ATG4B: variants seen among roughly 807,000 people sequenced by gnomAD.
The protein encoded by ATG4B is cysteine protease ATG4B.
A neutral mutation model predicts 56.6 loss-of-function variants in ATG4B; 29 were observed. The observed-to-expected ratio is 0.51, with a 90% CI of 0.38 to 0.70. ATG4B has a LOEUF of 0.70. ATG4B is among the 30% of genes least tolerant of loss of function. ATG4B has a pLI of 0.00. For missense variants in ATG4B, 461 were observed against 515.5 expected (o/e 0.89, Z 1.02); for synonymous variants, 224 against 206.1 (o/e 1.09, Z -0.74).
rs1281703382 is a variant in ATG4B, at chr2:241,667,135, G to A, written c.732+297G>A. On this transcript the variant is annotated intron_variant, in intron 8 of 12. Transcript: ENST00000404914. ...ACTCCTCGGCCTGACGGGGAGCCCC[G>A]CCCCCTCCCGGGTCTCCACTGTGCC... 2.6e-5 allele frequency among the ~76,000 whole-genome samples: 4 copies of A among 152,100 alleles called. No homozygotes were observed. In the East Asian group the frequency reaches 5.8e-4, roughly 22 times the overall value.
Position 241,673,732 on chromosome 2 carries a change from CCT to C in ATG4B, c.*1469_*1470del, listed in dbSNP as rs1409386671. On this transcript the variant is annotated 3_prime_UTR_variant, in exon 13 of 13. Coordinates refer to ENST00000404914, the MANE Select transcript of ATG4B (RefSeq NM_013325.5). The stretch of plus-strand genomic sequence containing the variant: ...AGCTGCAGTGGTAATGTGTGGGACA[CCT>C]TGACCAAAGGGGAGCTTTGTCTCGT... The C allele has an allele frequency of 4.6e-5, 21 of 455,148 alleles. No homozygotes were observed. The highest frequency in any genetic ancestry group is 9.2e-5 in the Non-Finnish European group (21 of 227,032). The allele number at this position is 455,148 out of a possible 1,614,324, so 28.2% of individuals were successfully genotyped here.
At chr2:241,666,875 G>A (rs370063366) in intron 8 of ATG4B, 37 bp downstream of exon 8, 23 of 1,530,364 alleles carry the variant, frequency 1.5e-5, no homozygotes, top group African/African-American at 9.6e-5. Context: ...CTGAGTCCCC[G>A]TCCCCTTCTC....
chr2:241,666,068 C>G (rs2068754967), intron 7 of ATG4B, among the ~76,000 whole-genome samples: 1 of 152,252 alleles, frequency 6.6e-6, no homozygotes, highest in African/African-American at 2.4e-5. Flanking sequence ...CTGCAGGCAC[C>G]TCTGAACATT....
At chr2:241,641,411 A>T (rs188320060) in intron 1 of ATG4B, among the ~76,000 whole-genome samples, 5 of 152,252 alleles carry the variant, frequency 3.3e-5, no homozygotes, top group Non-Finnish European at 5.9e-5. Context: ...TTAGCCGGGC[A>T]TAGTGGCGGG....
At chr2:241,652,267 T>C (rs958963266) in intron 3 of ATG4B, among the ~76,000 whole-genome samples, 1 of 152,274 alleles carries the variant, frequency 6.6e-6, no homozygotes, top group African/African-American at 2.4e-5. Context: ...AGTTTCCGCT[T>C]GTTTCGCAGC....
In ATG4B at chr2:241,671,321, C is replaced by T; in HGVS notation, c.1024C>T (p.Leu342Phe). ...WCQQVKKLSL[L>F]GGALPMFELV... ...CATGTCTCACTAACAGCTGTCTCTG[C>T]TTGGAGGTGCCCTGCCCATGTTTGA... Residue 342 changes from leucine to phenylalanine, a missense_variant, in exon 12 of 13, where the codon CTT becomes TTT. By Grantham distance (22) the Leu-to-Phe change is conservative. Coordinates refer to ENST00000404914, the MANE Select transcript of ATG4B (RefSeq NM_013325.5). The T allele has an allele frequency of 6.2e-7, 1 of 1,613,082 alleles. No individual in the cohort carries two copies.
intron 12 of ATG4B, chr2:241,671,680 C>G (rs2068977279): frequency 7.2e-7 from 1 of 1,384,984 alleles, no homozygotes; most frequent in African/African-American, 1.4e-5. Flanking sequence ...CCTCAGGGGT[C>G]TGGAGCAGAC....
chr2:241,638,070 C>T (rs527913206), intron 1 of ATG4B, among the ~76,000 whole-genome samples: 1 of 151,402 alleles, frequency 6.6e-6, no homozygotes, highest in African/African-American at 2.4e-5. Context: ...GGGAGAGGCG[C>T]GGCGGCGAAC....
rs1057287861 is a variant in ATG4B at position 241,653,634 on chromosome 2, C to T, written c.283+24C>T. The stretch of plus-strand genomic sequence containing the variant: ...AGGTGAGTCACAGCCCTGGGGAGGG[C>T]GCATGGCCACGGTGTTCTCAGGAAG... On this transcript the variant is annotated intron_variant, in intron 4 of 12. Coordinates refer to ENST00000404914, the MANE Select transcript of ATG4B (RefSeq NM_013325.5). The T allele has an allele frequency of 6.4e-6, 10 of 1,552,002 alleles. No individual in the cohort carries two copies. In the East Asian group the frequency reaches 9.7e-5, roughly 15 times the overall value.
At chr2:241,652,042 G>C in intron 3 of ATG4B, 1 of 1,175,378 alleles carries the variant, frequency 8.5e-7, no homozygotes, top group Non-Finnish European at 1.1e-6. Context: ...TCTAGGGGTG[G>C]TTTCATTCTT....
chr2:241,671,973 CCCCTGCCCTCCTCA>C, intron 12 of ATG4B: 2 of 1,412,036 alleles, frequency 1.4e-6, no homozygotes, highest in Non-Finnish European at 1.8e-6. Context: ...TGCCGGCCGC[CCCCTGCCCTCCTCA>C]CCCTGCCCTG....
Position 241,651,879 on chromosome 2 carries a change from A to G in ATG4B, c.184+544A>G, listed in dbSNP as rs902756852. 1.1e-5 allele frequency: 14 copies of G among 1,302,864 alleles called. No individual in the cohort carries two copies. The highest frequency in any genetic ancestry group is 1.3e-5 in the Non-Finnish European group (13 of 987,800). 80.7% of individuals were successfully genotyped at this position (1,302,864 alleles called of 1,614,324 possible). On this transcript the variant is annotated intron_variant, in intron 3 of 12. Transcript: ENST00000404914. The surrounding 1 kb of genome is among the most constrained non-coding windows in gnomAD (Gnocchi z 4.1). ...ATGTAACACTAAGGTGCATTCTGTT[A>G]AAAGCCATTCATCATTGTTGTATAC...
intron 7 of ATG4B, among the ~76,000 whole-genome samples, chr2:241,666,201 G>T (rs570225066): frequency 1.3e-5 from 2 of 152,204 alleles, no homozygotes; most frequent in African/African-American, 4.8e-5. Context: ...CGCACCCTCC[G>T]GTTGATGTGT....
In ATG4B at chr2:241,668,375, T is replaced by C. The variant is rs1575090386; in HGVS notation, c.811+154T>C. ...TTCAGCCTGGTCGCGGGCGGCCTCC[T>C]GTGTGCCCCTTTCCCTGATGGTCTG... On this transcript the variant is annotated intron_variant, in intron 9 of 12. Transcript: ENST00000404914. This position sits in a 1 kb window ranked among gnomAD's most constrained non-coding sequence, Gnocchi z 4.2. 3 of 1,353,692 alleles carry C rather than the reference T, an allele frequency of 2.2e-6. No individual in the cohort carries two copies. The highest frequency in any genetic ancestry group is 5.0e-5 in the East Asian group (2 of 39,934). 83.9% of individuals were successfully genotyped at this position (1,353,692 alleles called of 1,614,324 possible).
chr2:241,641,481 C>T (rs1252892576), intron 1 of ATG4B, among the ~76,000 whole-genome samples: 1 of 148,924 alleles, frequency 6.7e-6, no homozygotes, highest in East Asian at 2.0e-4. Flanking sequence ...ACCCGGGAGG[C>T]GGAGCTTGCA....
intron 1 of ATG4B, among the ~76,000 whole-genome samples, chr2:241,646,318 C>T (rs1422285812): frequency 6.6e-6 from 1 of 152,154 alleles, no homozygotes; most frequent in Non-Finnish European, 1.5e-5. Flanking sequence ...TTCTCTCATT[C>T]CTTTACCATT....
chr2:241,655,641 G>A lies in ATG4B; in HGVS notation c.458+298G>A, dbSNP rs62190274. ...TGGGGTGGGCAGCTGAAGCTAGTCT[G>A]CAGCCATCTGTGCGGGTGCCGGGCC... On this transcript the variant is annotated intron_variant, in intron 6 of 12. Coordinates refer to ENST00000404914, the MANE Select transcript of ATG4B (RefSeq NM_013325.5). 8.1e-3 allele frequency among the ~76,000 whole-genome samples: 1,228 copies of A among 152,268 alleles called. 5 individuals are homozygous for A. Among genetic ancestry groups the A allele is most frequent in the Non-Finnish European group, 0.014 (936 of 68,010 alleles).
intron 1 of ATG4B, among the ~76,000 whole-genome samples, chr2:241,645,967 T>C (rs2068049768): frequency 6.6e-6 from 1 of 152,206 alleles, no homozygotes; most frequent in African/African-American, 2.4e-5. Flanking sequence ...GCGCCACTCC[T>C]GTTCACTGCC....
At chr2:241,659,272 C>T (rs1200499316) in intron 7 of ATG4B, 85 bp downstream of exon 7, 1 of 1,250,010 alleles carries the variant, frequency 8.0e-7, no homozygotes, top group Non-Finnish European at 1.2e-6. Context: ...CCACGGGAGC[C>T]TCGGCGAGTG....
Sources: gnomAD v4.1 joint callset for allele counts (sites outside exome capture counted in the v4.1 genomes callset) on GRCh38, gnomAD v4.1.1 for gene constraint, Gnocchi (gnomAD v3.1) non-coding constraint, MANE v1.5 for transcripts, NCBI Gene and HGNC (gene_info 2026-07-23, HGNC 2026-07-21) for gene names.